NUP188: variants seen among roughly 807,000 people sequenced by gnomAD.
NUP188 encodes nucleoporin NUP188.
A neutral mutation model predicts 223.0 loss-of-function variants in NUP188; 97 were observed. The ratio of observed to expected loss-of-function variants is 0.43; its 90% confidence interval spans 0.37 to 0.51. The LOEUF is 0.51. NUP188 is among the 20% of genes least tolerant of loss of function. The probability of loss-of-function intolerance (pLI) is 0.00; values close to 1 mark genes in which losing one functional copy is unlikely to be tolerated. For missense variants in NUP188, 1,947 were observed against 2,175.6 expected (o/e 0.89, Z 2.09); for synonymous variants, 869 against 828.0 (o/e 1.05, Z -0.85).
At chr9:128,987,388 A>G (rs1463550394) in intron 22 of NUP188, among the ~76,000 whole-genome samples, 3 of 152,036 alleles carry the variant, frequency 2.0e-5, no homozygotes, top group Non-Finnish European at 2.9e-5. Flanking sequence ...TACTTGATGG[A>G]CATTTAGATT....
intron 2 of NUP188, among the ~76,000 whole-genome samples, chr9:128,949,529 T>C (rs959218304): frequency 3.3e-5 from 5 of 151,830 alleles, no homozygotes; most frequent in Non-Finnish European, 7.4e-5. Context: ...ATGGGGTTTT[T>C]CCATTTTGGT....
Position 128,948,165 on chromosome 9 carries a change from C to T in NUP188, c.32+414C>T, listed in dbSNP as rs574895929. 13 of 169,588 alleles carry T rather than the reference C, an allele frequency of 7.7e-5. No individual in the cohort carries two copies. In the East Asian group the frequency reaches 1.9e-3, roughly 25 times the overall value. 10.5% of individuals were successfully genotyped at this position (169,588 alleles called of 1,614,324 possible). A position where few individuals can be genotyped will look rare whatever the true frequency, so the allele number is the denominator to read the frequency against. ...TGCTGCAGGCTCCCAGTGTCCTGCCCCGGCGTCGAGTGCGCCCTGCTGGCT... is the reference window on the plus strand; with the variant it reads ...TGCTGCAGGCTCCCAGTGTCCTGCCTCGGCGTCGAGTGCGCCCTGCTGGCT... On this transcript the variant is annotated intron_variant, in intron 1 of 43. Transcript: ENST00000372577.
rs141740293 is a variant in NUP188 at position 128,990,692 on chromosome 9, T to A, written c.2640+466T>A. 3.2e-3 allele frequency among the ~76,000 whole-genome samples: 483 copies of A among 152,290 alleles called. 7 individuals carry two copies. The East Asian group carries it at 0.042, about 13-fold the overall frequency. ...ATCCTGGCTAATACGGTGAAACCCC[T>A]TCTCTACTGAAAAATACAAAAAATT... On this transcript the variant is annotated intron_variant, in intron 25 of 43. Transcript: ENST00000372577.
At chr9:128,953,986 C>A (rs7855915) in intron 3 of NUP188, among the ~76,000 whole-genome samples, 2 of 151,666 alleles carry the variant, frequency 1.3e-5, no homozygotes, top group Non-Finnish European at 2.9e-5. Flanking sequence ...CCCGCCACCA[C>A]GCCCAGCTAA....
chr9:128,970,869 G>A lies in NUP188; in HGVS notation c.1024G>A (p.Val342Ile), dbSNP rs762547745. 2.5e-6 allele frequency: 4 copies of A among 1,614,104 alleles called. No individual in the cohort carries two copies. The highest frequency in any genetic ancestry group is 3.4e-6 in the Non-Finnish European group (4 of 1,180,020). ...GAACCCAGAAGAGACAAGCAGTGTG[G>A]TCCGGAAGATAGGTGGCACAGCCAT... ...TLNPEETSSVVRKIGGTAIQL... is the reference protein window; with the variant it reads ...TLNPEETSSVIRKIGGTAIQL... The change falls in exon 11 of 44, where the codon GTC (valine) becomes ATC (isoleucine). Residue 342 changes from valine (V) to isoleucine (I), a missense_variant. Val to Ile is a conservative substitution (Grantham distance 29). This residue lies in a region of NUP188 where 817 missense variants were observed against 865.8 expected (regional missense o/e 0.94). Transcript: ENST00000372577.
chr9:128,967,185 C>T (rs2131152012), intron 8 of NUP188, among the ~76,000 whole-genome samples: 1 of 152,194 alleles, frequency 6.6e-6, no homozygotes, highest in East Asian at 1.9e-4. Flanking sequence ...TTTTTAAAAA[C>T]TTTTTCTAGA....
chr9:128,963,605 A>C (rs777950276), intron 8 of NUP188, among the ~76,000 whole-genome samples: 20 of 152,100 alleles, frequency 1.3e-4, no homozygotes, highest in African/African-American at 4.6e-4. Context: ...TTTGTTTGAC[A>C]TTGTCACCAA....
intron 17 of NUP188, 129 bp from the exon 18 acceptor site, chr9:128,983,162 CTG>C: frequency 1.4e-6 from 2 of 1,420,958 alleles, no homozygotes; most frequent in Middle Eastern, 1.9e-4. Context: ...GTTTTTATAT[CTG>C]TGAGGGTTTT....
At chr9:128,954,478 G>A (rs1484400754) in intron 3 of NUP188, among the ~76,000 whole-genome samples, 5 of 148,878 alleles carry the variant, frequency 3.4e-5, no homozygotes, top group African/African-American at 1.2e-4. Flanking sequence ...TCTGCCTCCC[G>A]GGTTCACGCC....
chr9:128,999,180 G>C lies in NUP188; in HGVS notation c.3524G>C (p.Gly1175Ala). 1 of 1,614,052 alleles carries C rather than the reference G, an allele frequency of 6.2e-7. No individual in the cohort carries two copies. The highest frequency in any genetic ancestry group is 8.5e-7 in the Non-Finnish European group (1 of 1,179,968). Residue 1175 changes from glycine (G) to alanine (A), a missense_variant, in exon 33 of 44, where the codon GGT becomes GCT. Gly to Ala is a moderately conservative substitution (Grantham distance 60). Around this residue, in one of 3 missense-constraint regions of NUP188, gnomAD observed 905 missense variants for 990.6 expected, o/e 0.91. Transcript: ENST00000372577. ...ILLRQWKREL[G>A]SVDEILGPLT... ...CCCAGTATTCTTTCTAGAGAGTTAGGTTCTGTGGATGAAATCCTTGGACCC... is the reference window on the plus strand; with the variant it reads ...CCCAGTATTCTTTCTAGAGAGTTAGCTTCTGTGGATGAAATCCTTGGACCC...
chr9:128,953,297 T>C (rs1841821679), intron 3 of NUP188, among the ~76,000 whole-genome samples: 1 of 152,250 alleles, frequency 6.6e-6, no homozygotes, highest in South Asian at 2.1e-4. Flanking sequence ...TTACTACTTT[T>C]ATTCTTTGGG....
At chr9:128,978,996 C>T (rs1842218145) in intron 12 of NUP188, among the ~76,000 whole-genome samples, 1 of 152,142 alleles carries the variant, frequency 6.6e-6, no homozygotes, top group African/African-American at 2.4e-5. Flanking sequence ...AGGGGTGGCC[C>T]CCACACCCAG....
rs778022649 is a variant in NUP188, at chr9:129,001,932, C to T, written c.4093C>T (p.Pro1365Ser). The change falls in exon 36 of 44, where the codon CCC becomes TCC. Residue 1365 changes from proline to serine, a missense_variant. This residue lies in a region of NUP188 where 905 missense variants were observed against 990.6 expected (regional missense o/e 0.91). Transcript: ENST00000372577. Reference protein sequence around the residue: ...GAGITQSICLPLLSVYQLSTN... With the variant: ...GAGITQSICLSLLSVYQLSTN... ...TGGCATCACCCAGAGCATTTGTTTG[C>T]CCCTTCTGAGTGTGTACCAGCTGAG... The T allele has an allele frequency of 6.2e-6, 10 of 1,614,046 alleles. 1 individual carries two copies. In the South Asian group the frequency reaches 7.7e-5, roughly 12 times the overall value.
Position 128,995,483 on chromosome 9 carries a change from G to A in NUP188, c.3320G>A (p.Trp1107Ter). 1 of 1,606,116 alleles carries A rather than the reference G, an allele frequency of 6.2e-7. No individual in the cohort carries two copies. Among genetic ancestry groups the A allele is most frequent in the Non-Finnish European group, 8.5e-7 (1 of 1,176,412 alleles). ...GAGTACCAGATGCTGGTGTCCGCCTGGAGGATGCTTCTCATCATTGCCACC... is the reference window on the plus strand; with the variant it reads ...GAGTACCAGATGCTGGTGTCCGCCTAGAGGATGCTTCTCATCATTGCCACC... The part of the protein sequence containing the change: ...LLEYQMLVSA[W>*]RMLLIIATTH... The change falls in exon 30 of 44, where the codon TGG becomes TAG. Residue 1107 changes from tryptophan to a stop codon, truncating the protein, a stop_gained. Transcript: ENST00000372577. LOFTEE classifies it high-confidence loss of function.
At position 128,949,172 on chromosome 9, in the gene NUP188, G is replaced by C. The variant is rs1192761957; in HGVS notation, c.33-17G>C. 1.2e-6 allele frequency: 2 copies of C among 1,604,822 alleles called. No homozygotes were observed. Among genetic ancestry groups the C allele is most frequent in the African/African-American group, 2.7e-5 (2 of 74,766 alleles). ...GATCAGAAAGAGCAAAATTACCTCT[G>C]TTCTCTCATTTTGCAGGAGCAGTAG... On this transcript the variant is annotated splice_polypyrimidine_tract_variant and intron_variant, in intron 1 of 43. Transcript: ENST00000372577.
chr9:128,951,661 A>AT (rs1841788674), intron 2 of NUP188, among the ~76,000 whole-genome samples: 1 of 152,188 alleles, frequency 6.6e-6, no homozygotes, highest in African/African-American at 2.4e-5. Flanking sequence ...TTAAGTCATT[A>AT]TGTTATAATG....
At chr9:128,969,772 G>A (rs903231807) in intron 10 of NUP188, among the ~76,000 whole-genome samples, 5 of 152,052 alleles carry the variant, frequency 3.3e-5, no homozygotes, top group Non-Finnish European at 7.4e-5. Flanking sequence ...TTCTGCCTCA[G>A]CCTCCCAAGT....
At chr9:128,988,296 C>T in intron 24 of NUP188, 110 bp downstream of exon 24, 1 of 1,247,418 alleles carries the variant, frequency 8.0e-7, no homozygotes, top group Non-Finnish European at 1.1e-6. Flanking sequence ...GTATTTTCTG[C>T]TTCTTGAGGA....
intron 8 of NUP188, among the ~76,000 whole-genome samples, chr9:128,959,394 A>T (rs1287098592): frequency 2.0e-5 from 3 of 150,972 alleles, no homozygotes; most frequent in Non-Finnish European, 4.4e-5. Flanking sequence ...CGCCCACCTC[A>T]GCCTCCCAAA....
Sources: allele counts gnomAD v4.1 joint callset (sites outside exome capture counted in the v4.1 genomes callset), GRCh38; gene constraint gnomAD v4.1.1; regional missense constraint gnomAD v4.1.1; transcripts MANE v1.5; gene names NCBI Gene and HGNC (gene_info 2026-07-23, HGNC 2026-07-21).